Variants in SNX29 observed in about 807,000 individuals in gnomAD.
SNX29 encodes sorting nexin-29.
SNX29 carries 78 observed loss-of-function variants against 102.1 expected under a neutral mutation model. The observed-to-expected ratio is 0.76, with a 90% CI of 0.64 to 0.92. SNX29 has a LOEUF of 0.92. Ranked by LOEUF, SNX29 falls within the 40% of genes least tolerant of loss-of-function variation. The pLI is 0.00. For synonymous variants in SNX29, 580 were observed against 414.5 expected (o/e 1.40, Z -4.85); for missense variants, 1,280 against 1,061.7 (o/e 1.21, Z -2.86).
At chr16:12,060,169 C>A (rs2050713471) in intron 8 of SNX29, among the ~76,000 whole-genome samples, 1 of 151,908 alleles carries the variant, frequency 6.6e-6, no homozygotes, top group Non-Finnish European at 1.5e-5. Flanking sequence ...AAAAATAATA[C>A]AATAAAAATA....
intron 14 of SNX29, among the ~76,000 whole-genome samples, chr16:12,240,189 A>G (rs963344592): frequency 6.6e-6 from 1 of 152,170 alleles, no homozygotes; most frequent in African/African-American, 2.4e-5. Context: ...CTTTATATCC[A>G]CATTTTAGTG....
chr16:12,556,880 TCTCC>T (rs1567194317), intron 20 of SNX29, among the ~76,000 whole-genome samples: 20 of 151,128 alleles, frequency 1.3e-4, no homozygotes, highest in African/African-American at 4.6e-4. Flanking sequence ...TGAGATAGGG[TCTCC>T]GTCTGTCTCC....
chr16:12,544,869 A>C (rs182376117), intron 20 of SNX29, among the ~76,000 whole-genome samples: 5 of 152,218 alleles, frequency 3.3e-5, no homozygotes, highest in African/African-American at 1.2e-4. Context: ...CAGTGTCAAC[A>C]CAGCCCCTGG....
chr16:12,367,612 G>A (rs1303682012), intron 16 of SNX29: 1 of 152,250 alleles, frequency 6.6e-6, no homozygotes, highest in African/African-American at 2.4e-5. Context: ...TTCGGAGGGA[G>A]TGATCTCATT....
intron 16 of SNX29, among the ~76,000 whole-genome samples, chr16:12,371,481 A>G (rs1334282461): frequency 6.6e-6 from 1 of 151,982 alleles, no homozygotes; most frequent in East Asian, 1.9e-4. Context: ...TATTTTTAAA[A>G]TTTTTTTGTA....
At chr16:12,563,916 G>A (rs755699522) in intron 20 of SNX29, among the ~76,000 whole-genome samples, 1 of 152,236 alleles carries the variant, frequency 6.6e-6, no homozygotes, top group African/African-American at 2.4e-5. Flanking sequence ...GGCAGCCGAA[G>A]ACCTACAATA....
At chr16:12,440,756 G>A (rs1215623773) in intron 18 of SNX29, among the ~76,000 whole-genome samples, 4 of 152,150 alleles carry the variant, frequency 2.6e-5, no homozygotes, top group African/African-American at 9.7e-5. Context: ...CCATGTCCCT[G>A]CAAAGGACAT....
intron 13 of SNX29, 114 bp from the exon 14 acceptor site, chr16:12,199,487 A>G (rs1465735127): frequency 1.3e-6 from 1 of 756,874 alleles, no homozygotes; most frequent in Non-Finnish European, 2.2e-6. Context: ...AACATTTATA[A>G]GATGCAAATT....
intron 5 of SNX29, among the ~76,000 whole-genome samples, chr16:12,043,495 T>C (rs2151183547): frequency 6.6e-6 from 1 of 152,034 alleles, no homozygotes; most frequent in Non-Finnish European, 1.5e-5. Context: ...GCTAGGACCC[T>C]AAGCGTACGC....
intron 15 of SNX29, among the ~76,000 whole-genome samples, chr16:12,311,326 T>C (rs176717): frequency 0.43 from 65,520 of 152,032 alleles, 15,792 homozygotes; most frequent in Non-Finnish European, 0.57. Flanking sequence ...ATTGAAGCCC[T>C]TGCTCCAAAC....
chr16:12,355,915 T>G (rs1349979076), intron 15 of SNX29, among the ~76,000 whole-genome samples: 1 of 148,054 alleles, frequency 6.8e-6, no homozygotes, highest in East Asian at 2.0e-4. Flanking sequence ...AAACATGATC[T>G]GATACCATCC....
chr16:12,075,613 G>T (rs1199861341), intron 10 of SNX29, among the ~76,000 whole-genome samples: 4 of 152,186 alleles, frequency 2.6e-5, no homozygotes, highest in Admixed American at 1.3e-4. Flanking sequence ...AGGGGTCAGG[G>T]GTCAGGGACC....
rs186235269 is a variant in SNX29, at chr16:12,064,930, G to A, written c.1243+3284G>A. On this transcript the variant is annotated intron_variant, in intron 9 of 20. Coordinates refer to ENST00000566228, the MANE Select transcript of SNX29 (RefSeq NM_032167.5). ...TTTAATGGAGACTTCCCACATGGAG[G>A]GCTCCTCACCTTAGGAGACTTTTGT... Among the ~76,000 whole-genome samples, 9 of 152,322 alleles carry A rather than the reference G, an allele frequency of 5.9e-5. No individual in the cohort carries two copies. The East Asian group carries it at 1.5e-3, about 26-fold the overall frequency.
At chr16:12,546,003 C>T (rs1288237025) in intron 20 of SNX29, among the ~76,000 whole-genome samples, 1 of 152,048 alleles carries the variant, frequency 6.6e-6, no homozygotes, top group East Asian at 1.9e-4. Context: ...CACCTGGATG[C>T]CAAAAACAGA....
At chr16:11,985,739 G>A (rs1169065559) in intron 1 of SNX29, among the ~76,000 whole-genome samples, 1 of 152,084 alleles carries the variant, frequency 6.6e-6, no homozygotes, top group Non-Finnish European at 1.5e-5. Context: ...TGGATGGGGT[G>A]GTTAGGAATG....
At chr16:12,013,542 T>TATAGAGAGAGAGAGAGAG (rs1382498593) in intron 3 of SNX29, among the ~76,000 whole-genome samples, 1 of 109,076 alleles carries the variant, frequency 9.2e-6, no homozygotes, top group African/African-American at 3.5e-5. Flanking sequence ...TATATATATA[T>TATAGAGAGAGAGAGAGAG]CGAGAGAGGA....
intron 19 of SNX29, among the ~76,000 whole-genome samples, chr16:12,523,278 G>A (rs1016050132): frequency 3.3e-5 from 5 of 152,226 alleles, no homozygotes; most frequent in Non-Finnish European, 5.9e-5. Flanking sequence ...GCGAGGTACC[G>A]AGGCCCACTG....
At chr16:12,516,819 C>A (rs2089887663) in intron 19 of SNX29, among the ~76,000 whole-genome samples, 1 of 152,172 alleles carries the variant, frequency 6.6e-6, no homozygotes, top group Non-Finnish European at 1.5e-5. Flanking sequence ...TGCAAAGACA[C>A]ACTTGTCAGA....
intron 16 of SNX29, among the ~76,000 whole-genome samples, chr16:12,394,282 C>G (rs774972695): frequency 6.7e-6 from 1 of 149,398 alleles, no homozygotes. Flanking sequence ...GTTACTTGAT[C>G]TTCTGGGCAT....
Sources: gnomAD v4.1 joint callset for allele counts (sites outside exome capture counted in the v4.1 genomes callset) on GRCh38, gnomAD v4.1.1 for gene constraint, MANE v1.5 for transcripts, NCBI Gene and HGNC (gene_info 2026-07-23, HGNC 2026-07-21) for gene names.